The following PAX6 variants were observed in gnomAD, a reference collection of about 807,000 sequenced individuals.
The protein encoded by PAX6 is paired box protein Pax-6.
Under a neutral mutation model 60.7 loss-of-function variants are expected in PAX6, and 7 were observed. That is an observed-to-expected ratio of 0.12 (90% CI 0.07 to 0.22). The LOEUF is 0.22. PAX6 is among the 10% of genes least tolerant of loss of function. The pLI, the probability that PAX6 is intolerant of heterozygous loss-of-function variation, is 1.00. For missense variants in PAX6, 355 were observed against 555.2 expected (o/e 0.64, Z 3.62); for synonymous variants, 208 against 201.2 (o/e 1.03, Z -0.29).
chr11:31,807,798 C>T (rs545126631), intron 2 of PAX6: 1 of 152,472 alleles, frequency 6.6e-6, no homozygotes, highest in East Asian at 1.9e-4. Context: ...TACCAACAAC[C>T]CACCAACTCA....
At chr11:31,800,353 C>T (rs1241268397) in intron 8 of PAX6, among the ~76,000 whole-genome samples, 1 of 152,208 alleles carries the variant, frequency 6.6e-6, no homozygotes, top group Admixed American at 6.5e-5. Context: ...CACACTTCTA[C>T]AAGGGGGCTC....
chr11:31,811,411 C>T (rs909820420), upstream of PAX6: 4 of 397,224 alleles, frequency 1.0e-5, no homozygotes, highest in Non-Finnish European at 4.4e-6. Flanking sequence ...TCCCTCTCCC[C>T]GCCTGGTGCA....
intron 9 of PAX6, 190 bp downstream of exon 9, chr11:31,794,425 CACACACACACACACA>C (rs1470552379): frequency 2.7e-4 from 1 of 3,728 alleles, no homozygotes; most frequent in Non-Finnish European, 4.5e-4. Context: ...ACACACCACA[CACACACACACACACA>C]CACACACACA....
chr11:31,809,443 A>C (rs1037180461), intron 2 of PAX6: 2 of 152,240 alleles, frequency 1.3e-5, no homozygotes, highest in Non-Finnish European at 2.9e-5. Context: ...GAAAGAAAGA[A>C]ACCACGTTCA....
chr11:31,811,547 G>A, upstream of PAX6: 1 of 246,464 alleles, frequency 4.1e-6, no homozygotes. Flanking sequence ...CCCGCTCCGC[G>A]CACGCCGAGA....
intron 8 of PAX6, among the ~76,000 whole-genome samples, chr11:31,797,814 GAT>G (rs1463719452): frequency 6.6e-6 from 1 of 152,170 alleles, no homozygotes. Context: ...GGACAATTAA[GAT>G]ATCTTCTTCA....
At chr11:31,814,452 C>T (rs1216002183), upstream of PAX6, 1 of 152,314 alleles carries the variant, frequency 6.6e-6, no homozygotes, top group Non-Finnish European at 1.5e-5. Context: ...CAAGAGCCTC[C>T]CATCCGGAGT....
intron 13 of PAX6, chr11:31,790,279 T>C: frequency 1.7e-6 from 1 of 576,132 alleles, no homozygotes; most frequent in Non-Finnish European, 2.7e-6. Flanking sequence ...AATCCTCTGT[T>C]TGTTTGCATG....
rs1227257715 is a variant in PAX6 at position 31,789,399 on chromosome 11, A to AACAGATATTTCT, written c.*523_*534dup. 2 of 348,970 alleles carry AACAGATATTTCT rather than the reference A, an allele frequency of 5.7e-6. No homozygotes were observed. Among genetic ancestry groups the AACAGATATTTCT allele is most frequent in the African/African-American group, 4.2e-5 (2 of 47,624 alleles). The allele number at this position is 348,970 out of a possible 1,614,324, so 21.6% of individuals were successfully genotyped here. A position where few individuals can be genotyped will look rare whatever the true frequency, so the allele number is the denominator to read the frequency against. ...ATCTGTTAACAACCTTTGGAAAACC[A>AACAGATATTTCT]ACAGATATTTCTGACATAAATCTAG... On this transcript the variant is annotated 3_prime_UTR_variant, in exon 14 of 14. Transcript: ENST00000640368.
At chr11:31,806,315 C>G in intron 4 of PAX6, 87 bp downstream of exon 4, 1 of 1,484,792 alleles carries the variant, frequency 6.7e-7, no homozygotes, top group Non-Finnish European at 9.2e-7. Flanking sequence ...CGGGCCAGCG[C>G]GGGCGTCGCG....
chr11:31,796,209 C>T (rs921049253), intron 8 of PAX6, among the ~76,000 whole-genome samples: 1 of 152,174 alleles, frequency 6.6e-6, no homozygotes, highest in African/African-American at 2.4e-5. Context: ...TGCTTTTCAG[C>T]GCTGCACAAT....
At chr11:31,816,633 G>C in intron 1 of PAX6, 1 of 702,424 alleles carries the variant, frequency 1.4e-6, no homozygotes, top group Non-Finnish European at 2.6e-6. Flanking sequence ...AGAGGATCCC[G>C]GCCCAGGTAA....
At chr11:31,799,201 C>A (rs919513244) in intron 8 of PAX6, among the ~76,000 whole-genome samples, 2 of 152,198 alleles carry the variant, frequency 1.3e-5, no homozygotes, top group Non-Finnish European at 2.9e-5. Flanking sequence ...TGCCTACACT[C>A]GGTGGGGTCA....
In PAX6 at chr11:31,801,686, C is replaced by T; in HGVS notation, c.274G>A (p.Val92Ile). Residue 92 changes from valine (V) to isoleucine (I), a missense_variant, in exon 7 of 14, where the codon GTA (valine) becomes ATA (isoleucine). Transcript: ENST00000640368. ...TTGCTTACAACTTCTGGAGTCGCTA[C>T]TCTCGGTTTACTACCACCGATTGCC... The part of the protein sequence containing the change: ...PRAIGGSKPR[V>I]ATPEVVSKIA... 6.2e-7 allele frequency: 1 copy of T among 1,614,198 alleles called. No homozygotes were observed. Among genetic ancestry groups the T allele is most frequent in the Non-Finnish European group, 8.5e-7 (1 of 1,180,050 alleles).
intron 8 of PAX6, among the ~76,000 whole-genome samples, chr11:31,798,668 G>C (rs912613314): frequency 6.6e-6 from 1 of 152,240 alleles, no homozygotes; most frequent in African/African-American, 2.4e-5. Context: ...TTGCGGGTGG[G>C]GGGGTGGTGA....
Position 31,789,761 on chromosome 11 carries a change from C to G in PAX6, c.*173G>C. 1.4e-6 allele frequency: 1 copy of G among 720,070 alleles called. No individual in the cohort carries two copies. Among genetic ancestry groups the G allele is most frequent in the Non-Finnish European group, 2.5e-6 (1 of 395,446 alleles). 44.6% of individuals were successfully genotyped at this position (720,070 alleles called of 1,614,324 possible). ...ATCGTGCCTTCTGTATACAAAGGTC[C>G]TTGTTTCAAGTCCATTCCTTCCCCA... On this transcript the variant is annotated 3_prime_UTR_variant, in exon 14 of 14. Transcript: ENST00000640368.
chr11:31,817,395 G>T (rs1453864808), intron 1 of PAX6, among the ~76,000 whole-genome samples: 1 of 152,242 alleles, frequency 6.6e-6, no homozygotes, highest in Non-Finnish European at 1.5e-5. Flanking sequence ...CCAGGCGCGG[G>T]TACGGACTTT....
chr11:31,816,765 G>T, intron 1 of PAX6: 1 of 641,268 alleles, frequency 1.6e-6, no homozygotes, highest in South Asian at 1.8e-5. Context: ...AGCTCCGAAG[G>T]TGCTCCCAGA....
At chr11:31,791,028 G>T in intron 12 of PAX6, 168 bp from the exon 13 acceptor site, 1 of 799,954 alleles carries the variant, frequency 1.3e-6, no homozygotes, top group Non-Finnish European at 2.1e-6. Flanking sequence ...CCTCGAGCTA[G>T]TCCTTCCACT....
Sources: gnomAD v4.1 joint callset for allele counts (sites outside exome capture counted in the v4.1 genomes callset) on GRCh38, gnomAD v4.1.1 for gene constraint, MANE v1.5 for transcripts, NCBI Gene and HGNC (gene_info 2026-07-23, HGNC 2026-07-21) for gene names.